SMTN: variants seen among roughly 807,000 people sequenced by gnomAD.
SMTN encodes the protein smoothelin.
SMTN carries 58 observed loss-of-function variants against 102.0 expected under a neutral mutation model. That is an observed-to-expected ratio of 0.57 (90% CI 0.46 to 0.71). The LOEUF (loss-of-function observed/expected upper bound fraction) is 0.71, where lower values mean the gene tolerates loss of function less well. Among genes scored for constraint, SMTN ranks in the 30% least tolerant of loss-of-function variants. SMTN has a pLI of 0.00. For missense variants in SMTN, 1,185 were observed against 1,241.7 expected (o/e 0.95, Z 0.69); for synonymous variants, 478 against 497.9 (o/e 0.96, Z 0.53).
chr22:31,064,946 A>C (rs140010119), intron 1 of SMTN: 9 of 152,258 alleles, frequency 5.9e-5, no homozygotes, highest in African/African-American at 2.2e-4. Context: ...CCAACATTGC[A>C]TTTAGTTGTA....
chr22:31,079,049 C>T (rs2042197953), upstream of SMTN, among the ~76,000 whole-genome samples: 1 of 152,222 alleles, frequency 6.6e-6, no homozygotes, highest in Non-Finnish European at 1.5e-5. Context: ...GCCAAGGTGC[C>T]TTCACCTCCC....
rs2042971174 is a variant in SMTN, at chr22:31,089,696, C to A, written c.472-3C>A. 1 of 1,593,624 alleles carries A rather than the reference C, an allele frequency of 6.3e-7. No individual in the cohort carries two copies. Among genetic ancestry groups the A allele is most frequent in the Admixed American group, 1.7e-5 (1 of 59,790 alleles). Reference sequence around the variant, plus strand: ...TTGGTTGCATCCTGTGGGTCCCTTACAGGTGCCAGAGCGAGAGGAACAGGA... The same window carrying A: ...TTGGTTGCATCCTGTGGGTCCCTTAAAGGTGCCAGAGCGAGAGGAACAGGA... On this transcript the variant is annotated splice_region_variant and splice_polypyrimidine_tract_variant and intron_variant, in intron 6 of 20. Coordinates refer to ENST00000333137, the MANE Select transcript of SMTN (RefSeq NM_134269.3).
rs33991833 is a variant in SMTN at position 31,098,582 on chromosome 22, A to ACCC, written c.2160-80_2160-78dup. Reference sequence around the variant, plus strand: ...AGTGGAGATACTAGTGTGCTACAAGACCCCCCCTCCTCCTCGCGAGTGGTG... The same window carrying ACCC: ...AGTGGAGATACTAGTGTGCTACAAGACCCCCCCCCCTCCTCCTCGCGAGTGGTG... On this transcript the variant is annotated intron_variant, in intron 16 of 20. Transcript: ENST00000333137. 1,510 of 1,298,442 alleles carry ACCC rather than the reference A, an allele frequency of 1.2e-3. 11 individuals are homozygous for ACCC. The African/African-American group carries it at 0.019, about 16-fold the overall frequency. The allele number at this position is 1,298,442 out of a possible 1,614,324, so 80.4% of individuals were successfully genotyped here.
chr22:31,092,181 G>A (rs182680818), intron 11 of SMTN, among the ~76,000 whole-genome samples: 61 of 152,326 alleles, frequency 4.0e-4, no homozygotes, highest in Admixed American at 3.4e-3. Flanking sequence ...GGTGGTAAGG[G>A]CTTGCTCCCC....
chr22:31,091,365 G>A lies in SMTN; in HGVS notation c.1342G>A (p.Val448Ile), dbSNP rs754813189. Reference sequence around the variant, plus strand: ...GCCTGGTGCCCCGCTGCCCGTGGCCGTCGGCACTGCCGAGCCAGGGGGCAG... The same window carrying A: ...GCCTGGTGCCCCGCTGCCCGTGGCCATCGGCACTGCCGAGCCAGGGGGCAG... The part of the protein sequence containing the change: ...EEPGAPLPVA[V>I]GTAEPGGSMK... Residue 448 changes from valine (V) to isoleucine (I), a missense_variant, in exon 10 of 21, where the codon GTC becomes ATC. By Grantham distance (29) the Val-to-Ile change is conservative. Around this residue, in one of 2 missense-constraint regions of SMTN, gnomAD observed 1,096 missense variants for 1,112.7 expected, o/e 0.98. Transcript: ENST00000333137. 60 of 1,604,598 alleles carry A rather than the reference G, an allele frequency of 3.7e-5. No homozygotes were observed. Among genetic ancestry groups the A allele is most frequent in the Non-Finnish European group, 4.4e-5 (52 of 1,178,122 alleles).
chr22:31,099,355 C>T (rs2043889391), intron 18 of SMTN, 176 bp downstream of exon 18: 2 of 600,636 alleles, frequency 3.3e-6, no homozygotes, highest in Admixed American at 3.0e-5. Context: ...CAAGGCAAGC[C>T]CTAGATTCCA....
intron 1 of SMTN, chr22:31,082,351 T>C (rs1296586867): frequency 5.7e-6 from 2 of 352,644 alleles, no homozygotes; most frequent in African/African-American, 2.1e-5. Flanking sequence ...AAGATGGGGC[T>C]CTTGCCTCTG....
At chr22:31,091,513 G>T in intron 10 of SMTN, 31 bp downstream of exon 10, 1 of 1,516,860 alleles carries the variant, frequency 6.6e-7, no homozygotes, top group Non-Finnish European at 8.8e-7. Flanking sequence ...CCCCAATGGG[G>T]ATGAGTGCCT....
chr22:31,100,279 C>G (rs569131581), intron 19 of SMTN, among the ~76,000 whole-genome samples: 1 of 152,258 alleles, frequency 6.6e-6, no homozygotes, highest in African/African-American at 2.4e-5. Context: ...CAAAAGGAGG[C>G]TCCTGGCCCG....
In SMTN at chr22:31,104,534, T is replaced by G; in HGVS notation, c.*239T>G. 1 of 1,538,176 alleles carries G rather than the reference T, an allele frequency of 6.5e-7. No homozygotes were observed. Among genetic ancestry groups the G allele is most frequent in the East Asian group, 2.3e-5 (1 of 44,394 alleles). On this transcript the variant is annotated 3_prime_UTR_variant, in exon 21 of 21. Coordinates refer to ENST00000333137, the MANE Select transcript of SMTN (RefSeq NM_134269.3). The stretch of plus-strand genomic sequence containing the variant: ...CACTCTCCGGGCACCGTCTCCTGCC[T>G]GTGCGTCCGCCCACCGCTGCCCTGT...
In SMTN at chr22:31,091,514, A is replaced by T. The variant is rs757174137; in HGVS notation, c.1459+32A>T. 3.3e-6 allele frequency: 5 copies of T among 1,516,120 alleles called. No homozygotes were observed. In the Admixed American group the frequency reaches 1.1e-4, roughly 33 times the overall value. The allele number at this position is 1,516,120 out of a possible 1,614,324, so 93.9% of individuals were successfully genotyped here. A position where few individuals can be genotyped will look rare whatever the true frequency, so the allele number is the denominator to read the frequency against. ...GCCCCCCACTGCCTCCCCAATGGGGATGAGTGCCTGCAACCGCACTTCTGC... is the reference window on the plus strand; with the variant it reads ...GCCCCCCACTGCCTCCCCAATGGGGTTGAGTGCCTGCAACCGCACTTCTGC... On this transcript the variant is annotated intron_variant, in intron 10 of 20. Transcript: ENST00000333137.
At chr22:31,100,856 A>AC in intron 19 of SMTN, 29 bp from the exon 20 acceptor site, 1 of 252,258 alleles carries the variant, frequency 4.0e-6, no homozygotes, top group Non-Finnish European at 7.0e-6. Flanking sequence ...CCCGTCCCCC[A>AC]CCCCTTCCCG....
chr22:31,064,707 T>A (rs551791723), intron 1 of SMTN: 2 of 152,142 alleles, frequency 1.3e-5, no homozygotes, highest in Non-Finnish European at 2.9e-5. Context: ...TATTTTATAG[T>A]TATTTTGGTG....
chr22:31,086,883 C>G (rs2042739540), intron 2 of SMTN, among the ~76,000 whole-genome samples: 1 of 152,224 alleles, frequency 6.6e-6, no homozygotes. Context: ...TCCATCCCAT[C>G]CCCACCCTTG....
chr22:31,091,899 C>G, intron 11 of SMTN, 52 bp downstream of exon 11: 1 of 1,466,302 alleles, frequency 6.8e-7, no homozygotes, highest in Non-Finnish European at 9.2e-7. Flanking sequence ...CTCACATACA[C>G]TGCTTCAGGG....
At chr22:31,097,439 C>G (rs1013788962) in intron 16 of SMTN, 101 bp downstream of exon 16, 116 of 1,093,600 alleles carry the variant, frequency 1.1e-4, no homozygotes, top group Non-Finnish European at 1.4e-4. Flanking sequence ...CACAGTGGCT[C>G]TTGCCTGTAA....
intron 1 of SMTN, among the ~76,000 whole-genome samples, chr22:31,071,975 C>T (rs1368416350): frequency 6.6e-6 from 1 of 152,106 alleles, no homozygotes; most frequent in Admixed American, 6.6e-5. Context: ...GGATTACAGG[C>T]ATAAGCCACC....
intron 18 of SMTN, 44 bp downstream of exon 18, chr22:31,099,223 C>A: frequency 1.6e-6 from 2 of 1,261,546 alleles, no homozygotes; most frequent in Admixed American, 1.8e-5. Context: ...TCCCCAGACC[C>A]CAGCTCAACA....
rs1407126551 is a variant in SMTN, at chr22:31,104,488, C to T, written c.*193C>T. 3 of 1,608,426 alleles carry T rather than the reference C, an allele frequency of 1.9e-6. No homozygotes were observed. The highest frequency in any genetic ancestry group is 1.3e-5 in the African/African-American group (1 of 74,888). On this transcript the variant is annotated 3_prime_UTR_variant, in exon 21 of 21. Coordinates refer to ENST00000333137, the MANE Select transcript of SMTN (RefSeq NM_134269.3). ...CTAGCCTGCCCGCCCGCATGGCCAG[C>T]CAGTGGCAAGCTGCCGCCCCCACTC...
Sources: allele counts gnomAD v4.1 joint callset (sites outside exome capture counted in the v4.1 genomes callset), GRCh38; gene constraint gnomAD v4.1.1; regional missense constraint gnomAD v4.1.1; transcripts MANE v1.5; gene names NCBI Gene and HGNC (gene_info 2026-07-23, HGNC 2026-07-21).